Variants in HIRA observed in about 807,000 individuals in gnomAD.
The protein encoded by HIRA is histone cell cycle regulator, also known as protein HIRA.
Under a neutral mutation model 126.6 loss-of-function variants are expected in HIRA, and 13 were observed. The observed-to-expected ratio is 0.10, with a 90% CI of 0.07 to 0.16. The LOEUF (loss-of-function observed/expected upper bound fraction) is 0.16. HIRA is among the 10% of genes least tolerant of loss of function. The pLI is 1.00. For synonymous variants in HIRA, 511 were observed against 520.0 expected (o/e 0.98, Z 0.24); for missense variants, 834 against 1,314.4 (o/e 0.63, Z 5.65).
intron 6 of HIRA, among the ~76,000 whole-genome samples, 163 bp downstream of exon 6, chr22:19,397,829 C>T (rs772628645): frequency 9.9e-5 from 15 of 152,156 alleles, no homozygotes; most frequent in Admixed American, 2.0e-4. Flanking sequence ...CTTTTTAAAG[C>T]TTAAACAAAT....
At chr22:19,393,452 G>A (rs1420808689) in intron 8 of HIRA, among the ~76,000 whole-genome samples, 1 of 152,094 alleles carries the variant, frequency 6.6e-6, no homozygotes, top group East Asian at 1.9e-4. Flanking sequence ...CCGCCTCCCG[G>A]GTTCAAGTGA....
intron 5 of HIRA, among the ~76,000 whole-genome samples, chr22:19,401,875 C>A (rs1413252824): frequency 6.6e-6 from 1 of 152,190 alleles, no homozygotes; most frequent in Non-Finnish European, 1.5e-5. Flanking sequence ...CAGGTCTCAA[C>A]TCCTCTGCCT....
At chr22:19,374,575 G>C (rs2088999991) in intron 15 of HIRA, among the ~76,000 whole-genome samples, 1 of 152,162 alleles carries the variant, frequency 6.6e-6, no homozygotes, top group South Asian at 2.1e-4. Context: ...TAGCTTCCAG[G>C]AACTGTTTTC....
At chr22:19,392,422 C>A (rs965506859) in intron 8 of HIRA, among the ~76,000 whole-genome samples, 3 of 152,190 alleles carry the variant, frequency 2.0e-5, no homozygotes, top group African/African-American at 7.2e-5. Context: ...TGTGCGGAGG[C>A]ACCAAATGAG....
intron 5 of HIRA, among the ~76,000 whole-genome samples, chr22:19,402,385 C>A (rs551595081): frequency 4.1e-4 from 63 of 152,316 alleles, no homozygotes; most frequent in Admixed American, 9.2e-4. Flanking sequence ...AAAACTAATT[C>A]ATTTCTTGGT....
intron 15 of HIRA, among the ~76,000 whole-genome samples, chr22:19,372,260 G>T (rs375137114): frequency 2.0e-5 from 3 of 152,154 alleles, no homozygotes; most frequent in Non-Finnish European, 1.5e-5. Flanking sequence ...CTGACTATCT[G>T]ATCTTTTAAT....
At chr22:19,397,820 T>C (rs1415217058) in intron 6 of HIRA, among the ~76,000 whole-genome samples, 172 bp downstream of exon 6, 1 of 152,214 alleles carries the variant, frequency 6.6e-6, no homozygotes, top group East Asian at 1.9e-4. Context: ...CATGAATCTC[T>C]TTTTAAAGCT....
intron 15 of HIRA, among the ~76,000 whole-genome samples, chr22:19,367,355 C>T (rs951462777): frequency 1.4e-4 from 20 of 141,870 alleles, no homozygotes; most frequent in Non-Finnish European, 2.6e-4. Context: ...GTAGGCACAG[C>T]TTCCAATGTA....
chr22:19,390,716 G>A (rs998320380), intron 9 of HIRA, among the ~76,000 whole-genome samples: 16 of 151,496 alleles, frequency 1.1e-4, no homozygotes, highest in Non-Finnish European at 4.4e-5. Context: ...TCACCCAGGG[G>A]TGAAATGGAC....
chr22:19,391,900 C>T (rs1601840305), intron 9 of HIRA, among the ~76,000 whole-genome samples: 1 of 152,206 alleles, frequency 6.6e-6, no homozygotes, highest in South Asian at 2.1e-4. Context: ...GTGGCCTCTC[C>T]TGGCTGGGCA....
rs766444068 is a variant in HIRA at position 19,359,429 on chromosome 22, C to T, written c.2141G>A (p.Gly714Glu). ...IEVENEVTVV[G>E]GVKLSRLKCN... ...CTTCAGGCGGCTCAGCTTCACGCCC[C>T]CCACCACTGTCACTTCATTCTCCAC... Residue 714 changes from glycine (G) to glutamate (E), a missense_variant, in exon 18 of 25, where the codon GGG becomes GAG. Around this residue, in one of 5 missense-constraint regions of HIRA, gnomAD observed 468 missense variants for 574.2 expected, o/e 0.82. Coordinates refer to ENST00000263208, the MANE Select transcript of HIRA (RefSeq NM_003325.4). The T allele has an allele frequency of 1.9e-6, 3 of 1,610,210 alleles. No homozygotes were observed. The highest frequency in any genetic ancestry group is 2.5e-6 in the Non-Finnish European group (3 of 1,178,452).
chr22:19,403,312 T>C (rs1307387068), intron 5 of HIRA, among the ~76,000 whole-genome samples: 1 of 152,094 alleles, frequency 6.6e-6, no homozygotes, highest in Non-Finnish European at 1.5e-5. Context: ...TTAATCATAA[T>C]AAATTACTAT....
In HIRA at chr22:19,351,218, T is replaced by C. The variant is rs1569291908; in HGVS notation, c.2937+140A>G. 6 of 1,400,508 alleles carry C rather than the reference T, an allele frequency of 4.3e-6. No individual in the cohort carries two copies. The highest frequency in any genetic ancestry group is 6.3e-5 in the Admixed American group (2 of 31,728). 86.8% of individuals were successfully genotyped at this position (1,400,508 alleles called of 1,614,324 possible). A position where few individuals can be genotyped will look rare whatever the true frequency, so the allele number is the denominator to read the frequency against. On this transcript the variant is annotated intron_variant, in intron 24 of 24. Transcript: ENST00000263208. This position sits in a 1 kb window ranked among gnomAD's most constrained non-coding sequence, Gnocchi z 4.8. Reference sequence around the variant, plus strand: ...GGAGGGCCGTCGGCATGTCACCCTCTCACTGATGCTGGGACCTGAGGCTGG... The same window carrying C: ...GGAGGGCCGTCGGCATGTCACCCTCCCACTGATGCTGGGACCTGAGGCTGG...
chr22:19,419,411 T>C (rs988740218), intron 1 of HIRA, among the ~76,000 whole-genome samples: 1 of 152,194 alleles, frequency 6.6e-6, no homozygotes, highest in Admixed American at 6.5e-5. Context: ...TTGGGCCTTG[T>C]ACTGACTCTT....
At chr22:19,388,799 T>C (rs974315942) in intron 9 of HIRA, among the ~76,000 whole-genome samples, 3 of 152,068 alleles carry the variant, frequency 2.0e-5, no homozygotes, top group Non-Finnish European at 2.9e-5. Context: ...ACAGGGGAAA[T>C]AGCTTTATAC....
chr22:19,361,425 C>T, intron 16 of HIRA, 84 bp from the exon 17 acceptor site: 1 of 1,171,928 alleles, frequency 8.5e-7, no homozygotes, highest in Non-Finnish European at 1.3e-6. Flanking sequence ...AGAAGTGAGG[C>T]TGAGCCTGCG....
intron 11 of HIRA, among the ~76,000 whole-genome samples, chr22:19,386,362 T>C (rs1444302013): frequency 1.3e-5 from 2 of 152,184 alleles, no homozygotes; most frequent in Non-Finnish European, 2.9e-5. Context: ...AGAGATGGTG[T>C]CCCCAGCACA....
intron 1 of HIRA, among the ~76,000 whole-genome samples, chr22:19,427,198 C>G (rs2089495237): frequency 6.6e-6 from 1 of 152,204 alleles, no homozygotes; most frequent in Non-Finnish European, 1.5e-5. Context: ...CACTTGATAC[C>G]AGTAGCACGT....
intron 15 of HIRA, among the ~76,000 whole-genome samples, chr22:19,362,971 C>T (rs866689932): frequency 2.6e-5 from 4 of 151,564 alleles, no homozygotes; most frequent in South Asian, 2.1e-4. Context: ...CGGTGGCTCA[C>T]GCCTGTAATC....
Sources: allele counts gnomAD v4.1 joint callset (sites outside exome capture counted in the v4.1 genomes callset), GRCh38; gene constraint gnomAD v4.1.1; regional missense constraint gnomAD v4.1.1; non-coding constraint Gnocchi (gnomAD v3.1); transcripts MANE v1.5; gene names NCBI Gene and HGNC (gene_info 2026-07-23, HGNC 2026-07-21).